The following MRC1 variants were observed in gnomAD, a reference collection of about 807,000 sequenced individuals.
The protein encoded by MRC1 is macrophage mannose receptor 1.
MRC1 carries 62 observed loss-of-function variants against 102.9 expected under a neutral mutation model. The observed-to-expected ratio is 0.60, with a 90% CI of 0.49 to 0.74. The LOEUF is 0.74. Ranked by LOEUF, MRC1 falls within the 30% of genes least tolerant of loss-of-function variation. The pLI is 0.00. For missense variants in MRC1, 1,237 were observed against 862.8 expected (o/e 1.43, Z -5.43); for synonymous variants, 457 against 298.4 (o/e 1.53, Z -5.48).
chr10:17,847,926 C>CTTCTTTT (rs782053451), intron 6 of MRC1, among the ~76,000 whole-genome samples: 96 of 147,428 alleles, frequency 6.5e-4, no homozygotes, highest in African/African-American at 2.3e-3. Flanking sequence ...TCTTTTTCTT[C>CTTCTTTT]TTTTTTTTTT....
chr10:17,853,944 T>C (rs930754380), intron 8 of MRC1, among the ~76,000 whole-genome samples: 3 of 150,566 alleles, frequency 2.0e-5, no homozygotes, highest in African/African-American at 7.3e-5. Context: ...GGATATGAGG[T>C]TTTTTTTTTT....
At chr10:17,817,608 A>T (rs1481438903) in intron 1 of MRC1, among the ~76,000 whole-genome samples, 1 of 152,170 alleles carries the variant, frequency 6.6e-6, no homozygotes, top group Non-Finnish European at 1.5e-5. Context: ...TCAAGTTAGG[A>T]TGGAAGGAGA....
chr10:17,861,601 G>A (rs1833184954), intron 10 of MRC1, 99 bp downstream of exon 10: 1 of 706,182 alleles, frequency 1.4e-6, no homozygotes, highest in South Asian at 1.6e-5. Flanking sequence ...GAGTATGTGT[G>A]ATCTTGAGGT....
At chr10:17,856,062 A>G (rs1833086254) in intron 8 of MRC1, among the ~76,000 whole-genome samples, 180 bp from the exon 9 acceptor site, 1 of 149,134 alleles carries the variant, frequency 6.7e-6, no homozygotes, top group Non-Finnish European at 1.5e-5. Context: ...CCTAGCTACT[A>G]GGGGGGCTGA....
In MRC1 at chr10:17,835,115, C is replaced by T. The variant is rs932018400; in HGVS notation, c.802+1276C>T. 4.5e-3 allele frequency among the ~76,000 whole-genome samples: 683 copies of T among 152,274 alleles called. 6 individuals carry two copies. Among genetic ancestry groups the T allele is most frequent in the African/African-American group, 0.016 (644 of 41,534 alleles). On this transcript the variant is annotated intron_variant, in intron 4 of 29. Coordinates refer to ENST00000569591, the MANE Select transcript of MRC1 (RefSeq NM_002438.4). Reference sequence around the variant, plus strand: ...CAAAAGAAAAGTCAGTCTTGGATTCCTTGTTTTTCCTCATCCATTCTCACC... The same window carrying T: ...CAAAAGAAAAGTCAGTCTTGGATTCTTTGTTTTTCCTCATCCATTCTCACC...
In MRC1 at chr10:17,840,572, A is replaced by C. The variant is rs1384586614; in HGVS notation, c.803-121A>C. 5 of 716,668 alleles carry C rather than the reference A, an allele frequency of 7.0e-6. No individual in the cohort carries two copies. The East Asian group carries it at 9.9e-5, about 14-fold the overall frequency. The allele number at this position is 716,668 out of a possible 1,614,324, so 44.4% of individuals were successfully genotyped here. A position where few individuals can be genotyped will look rare whatever the true frequency, so the allele number is the denominator to read the frequency against. ...GAGAATCAAAGGAGACATGGTAGGC[A>C]TGATTATTGTTACTTCCCTCAGTGA... is the stretch of plus-strand genomic sequence containing the variant. On this transcript the variant is annotated intron_variant, in intron 4 of 29. Transcript: ENST00000569591.
At chr10:17,835,597 C>G (rs559684514) in intron 4 of MRC1, among the ~76,000 whole-genome samples, 1 of 152,302 alleles carries the variant, frequency 6.6e-6, no homozygotes, top group East Asian at 1.9e-4. Flanking sequence ...TTTATGACCC[C>G]TCTTCCCCCA....
chr10:17,891,545 C>T lies in MRC1; in HGVS notation c.3148-2665C>T, dbSNP rs974689129. 8.5e-5 allele frequency among the ~76,000 whole-genome samples: 13 copies of T among 152,254 alleles called. No individual in the cohort carries two copies. The South Asian group carries it at 1.2e-3, about 15-fold the overall frequency. ...TAAGCGTAATGCGTTTGAATCATCT[C>T]GAAACCACCCTCCACCCCAGTCTGT... is the stretch of plus-strand genomic sequence containing the variant. On this transcript the variant is annotated intron_variant, in intron 22 of 29. Coordinates refer to ENST00000569591, the MANE Select transcript of MRC1 (RefSeq NM_002438.4).
At chr10:17,849,199 G>T (rs1838874269) in intron 6 of MRC1, among the ~76,000 whole-genome samples, 1 of 151,600 alleles carries the variant, frequency 6.6e-6, no homozygotes, top group African/African-American at 2.4e-5. Flanking sequence ...CTACTTAGGA[G>T]GCTGAGGCAG....
intron 22 of MRC1, among the ~76,000 whole-genome samples, chr10:17,893,192 C>T (rs1833705743): frequency 1.5e-5 from 2 of 136,388 alleles, no homozygotes; most frequent in African/African-American, 5.3e-5. Flanking sequence ...GTCTTGTTCT[C>T]TCAGCTTGGC....
intron 5 of MRC1, chr10:17,845,042 GT>G (rs1838804838): frequency 1.3e-6 from 1 of 745,286 alleles, no homozygotes; most frequent in Admixed American, 1.7e-5. Flanking sequence ...GGAAAGGGTT[GT>G]TTCAAAGAAG....
At chr10:17,830,691 C>T (rs2130606800) in intron 3 of MRC1, among the ~76,000 whole-genome samples, 1 of 151,300 alleles carries the variant, frequency 6.6e-6, no homozygotes, top group African/African-American at 2.5e-5. Context: ...AATTTGAACT[C>T]CTTGGGGAGA....
intron 9 of MRC1, among the ~76,000 whole-genome samples, 180 bp downstream of exon 9, chr10:17,856,532 A>G (rs1207541700): frequency 1.3e-5 from 2 of 152,122 alleles, no homozygotes; most frequent in African/African-American, 2.4e-5. Flanking sequence ...TTCTTGGGGA[A>G]TTCTCTATAG....
rs1833410711 is a variant in MRC1, at chr10:17,875,034, C to G, written c.2387-56C>G. On this transcript the variant is annotated intron_variant, in intron 16 of 29. Transcript: ENST00000569591. ...TTTCACCTTTGTGTGCTGTACACAC[C>G]AGATTCTTGAATTTGTCTGCATAAA... 3.8e-6 allele frequency: 3 copies of G among 780,448 alleles called. No homozygotes were observed. In the African/African-American group the frequency reaches 5.1e-5, roughly 13 times the overall value. 48.3% of individuals were successfully genotyped at this position (780,448 alleles called of 1,614,324 possible).
Position 17,862,333 on chromosome 10 carries a change from T to A in MRC1, c.1634+831T>A, listed in dbSNP as rs2130662161. On this transcript the variant is annotated intron_variant, in intron 10 of 29. Coordinates refer to ENST00000569591, the MANE Select transcript of MRC1 (RefSeq NM_002438.4). Reference sequence around the variant, plus strand: ...CATATATATTTAAATGTCTAATATATGGTAGTAGCACCCTAATACAATGCT... The same window carrying A: ...CATATATATTTAAATGTCTAATATAAGGTAGTAGCACCCTAATACAATGCT... Among the ~76,000 whole-genome samples, 3 of 152,344 alleles carry A rather than the reference T, an allele frequency of 2.0e-5. No homozygotes were observed. The South Asian group carries it at 6.2e-4, about 32-fold the overall frequency.
chr10:17,829,306 G>C (rs1838532588), intron 3 of MRC1, among the ~76,000 whole-genome samples: 1 of 151,446 alleles, frequency 6.6e-6, no homozygotes, highest in Non-Finnish European at 1.5e-5. Flanking sequence ...AGAATTCTAA[G>C]AATTGTACTT....
At chr10:17,909,791 A>G (rs1334873683) in intron 29 of MRC1, among the ~76,000 whole-genome samples, 1 of 151,532 alleles carries the variant, frequency 6.6e-6, no homozygotes, top group Non-Finnish European at 1.5e-5. Context: ...TATTAACATC[A>G]TGAGTGCCGT....
intron 21 of MRC1, among the ~76,000 whole-genome samples, chr10:17,884,817 G>C (rs959642835): frequency 2.0e-5 from 3 of 152,170 alleles, no homozygotes; most frequent in Non-Finnish European, 4.4e-5. Flanking sequence ...TTCTTGTTTT[G>C]ACAGTTTTTA....
intron 8 of MRC1, among the ~76,000 whole-genome samples, chr10:17,855,870 C>T (rs2130652081): frequency 6.6e-6 from 1 of 151,962 alleles, no homozygotes; most frequent in Non-Finnish European, 1.5e-5. Flanking sequence ...AAGAAAATAA[C>T]ATCAAAGTCC....
Sources: allele counts gnomAD v4.1 joint callset (sites outside exome capture counted in the v4.1 genomes callset), GRCh38; gene constraint gnomAD v4.1.1; transcripts MANE v1.5; gene names NCBI Gene and HGNC (gene_info 2026-07-23, HGNC 2026-07-21).